RABGAP1L: variants seen among roughly 807,000 people sequenced by gnomAD.
RABGAP1L encodes RAB GTPase activating protein 1 like.
RABGAP1L carries 63 observed loss-of-function variants against 137.7 expected under a neutral mutation model. That is an observed-to-expected ratio of 0.46 (90% CI 0.37 to 0.56). RABGAP1L has a LOEUF of 0.56. Among genes scored for constraint, RABGAP1L ranks in the 20% least tolerant of loss-of-function variants. The pLI is 0.00. For missense variants in RABGAP1L, 1,095 were observed against 1,244.0 expected (o/e 0.88, Z 1.80); for synonymous variants, 431 against 433.7 (o/e 0.99, Z 0.08).
chr1:174,249,760 A>T (rs1050857637), intron 5 of RABGAP1L, among the ~76,000 whole-genome samples: 3 of 151,566 alleles, frequency 2.0e-5, no homozygotes, highest in Non-Finnish European at 4.4e-5. Flanking sequence ...CTCCTGCTTC[A>T]GCCTCCCGAG....
chr1:174,220,921 G>A (rs1438504976), intron 2 of RABGAP1L, 51 bp from the exon 3 acceptor site: 1 of 1,379,226 alleles, frequency 7.3e-7, no homozygotes, highest in Non-Finnish European at 9.6e-7. Flanking sequence ...ATAAAATTTA[G>A]CTTCAGAACT....
At chr1:174,784,908 CCTT>C (rs1199665170) in intron 18 of RABGAP1L, among the ~76,000 whole-genome samples, 1 of 152,052 alleles carries the variant, frequency 6.6e-6, no homozygotes, top group Non-Finnish European at 1.5e-5. Context: ...AGCAACTCCT[CCTT>C]AAATAAAAAG....
chr1:174,433,808 T>C (rs1652920950), intron 13 of RABGAP1L, among the ~76,000 whole-genome samples: 1 of 152,248 alleles, frequency 6.6e-6, no homozygotes, highest in African/African-American at 2.4e-5. Flanking sequence ...ATCATTATAC[T>C]ATATAATTTC....
chr1:174,320,762 ATCT>A (rs1679888331), intron 11 of RABGAP1L, among the ~76,000 whole-genome samples: 1 of 152,282 alleles, frequency 6.6e-6, no homozygotes, highest in South Asian at 2.1e-4. Context: ...TAATCCCATC[ATCT>A]TCGTAAGCTG....
At chr1:174,509,178 T>G (rs1662104866) in intron 13 of RABGAP1L, among the ~76,000 whole-genome samples, 1 of 152,202 alleles carries the variant, frequency 6.6e-6, no homozygotes, top group African/African-American at 2.4e-5. Flanking sequence ...TTTCTTCATT[T>G]AAGTTCAATG....
intron 10 of RABGAP1L, among the ~76,000 whole-genome samples, chr1:174,283,169 G>A (rs895851605): frequency 6.6e-6 from 1 of 151,978 alleles, no homozygotes; most frequent in African/African-American, 2.4e-5. Flanking sequence ...TTGGGAGGTT[G>A]AGGCAGGAGG....
At chr1:174,792,253 A>G (rs1687915195) in intron 18 of RABGAP1L, among the ~76,000 whole-genome samples, 2 of 152,222 alleles carry the variant, frequency 1.3e-5, no homozygotes, top group South Asian at 2.1e-4. Context: ...TTATTCTGTT[A>G]TATCTAGAGT....
In RABGAP1L at chr1:174,448,262, A is replaced by G. The variant is rs775220125; in HGVS notation, c.1710+54117A>G. The G allele has an allele frequency of 6.2e-7, 1 of 1,613,936 alleles. No homozygotes were observed. Among genetic ancestry groups the G allele is most frequent in the Admixed American group, 1.7e-5 (1 of 60,022 alleles). The stretch of plus-strand genomic sequence containing the variant: ...CGAGACAGTGGTTATTGTGTTGCTG[A>G]CATTTCTGATCATTGCTGGGAATCT... On this transcript the variant is annotated intron_variant, in intron 13 of 25. Coordinates refer to ENST00000681986, the MANE Select transcript of RABGAP1L (RefSeq NM_001366446.1). This position sits in a 1 kb window ranked among gnomAD's most constrained non-coding sequence, Gnocchi z 4.2.
chr1:174,690,556 C>A (rs1465416572), intron 15 of RABGAP1L, among the ~76,000 whole-genome samples: 2 of 151,972 alleles, frequency 1.3e-5, no homozygotes, highest in African/African-American at 2.4e-5. Flanking sequence ...TAATTATTTG[C>A]TTTTACATTA....
intron 14 of RABGAP1L, among the ~76,000 whole-genome samples, chr1:174,649,568 C>A (rs989883541): frequency 6.6e-6 from 1 of 152,052 alleles, no homozygotes; most frequent in East Asian, 1.9e-4. Flanking sequence ...CAGAGAGATC[C>A]GCTGTTAGTC....
chr1:174,939,631 GTCTTAT>G (rs1372493587), intron 19 of RABGAP1L, among the ~76,000 whole-genome samples: 2 of 151,922 alleles, frequency 1.3e-5, no homozygotes, highest in African/African-American at 2.4e-5. Flanking sequence ...TTCTCAAATA[GTCTTAT>G]TCTTATGCAT....
intron 11 of RABGAP1L, among the ~76,000 whole-genome samples, chr1:174,355,163 T>C (rs377633714): frequency 6.6e-6 from 1 of 152,098 alleles, no homozygotes; most frequent in Non-Finnish European, 1.5e-5. Flanking sequence ...CACATGCACA[T>C]GTATGTTTAT....
chr1:174,903,253 A>G (rs948590593), intron 19 of RABGAP1L, among the ~76,000 whole-genome samples: 14 of 152,200 alleles, frequency 9.2e-5, no homozygotes, highest in African/African-American at 3.1e-4. Flanking sequence ...TAAAGCTTCA[A>G]TGCCCAGATA....
At chr1:174,387,656 C>T (rs998648573) in intron 12 of RABGAP1L, among the ~76,000 whole-genome samples, 1 of 151,712 alleles carries the variant, frequency 6.6e-6, no homozygotes, top group Non-Finnish European at 1.5e-5. Context: ...ACTCACTGAC[C>T]CTATGTACAG....
intron 1 of RABGAP1L, among the ~76,000 whole-genome samples, chr1:174,172,936 A>T (rs1180190626): frequency 6.6e-6 from 1 of 152,126 alleles, no homozygotes; most frequent in African/African-American, 2.4e-5. Flanking sequence ...AGGCCGAACA[A>T]TATCAGGGAG....
chr1:174,620,794 A>C lies in RABGAP1L; in HGVS notation c.1711-16581A>C, dbSNP rs533823930. ...AAATATAACTAAGATCAGAGCAGAA[A>C]TGAAGGAAATAGAGACACAAAAAAC... is the stretch of plus-strand genomic sequence containing the variant. On this transcript the variant is annotated intron_variant, in intron 13 of 25. Transcript: ENST00000681986. Among the ~76,000 whole-genome samples, 25 of 149,176 alleles carry C rather than the reference A, an allele frequency of 1.7e-4. 1 individual carries two copies. The highest frequency in any genetic ancestry group is 4.2e-4 in the South Asian group (2 of 4,814).
At position 174,916,692 on chromosome 1, in the gene RABGAP1L, A is replaced by G. The variant is rs191912935; in HGVS notation, c.2341-40765A>G. On this transcript the variant is annotated intron_variant, in intron 19 of 25. Coordinates refer to ENST00000681986, the MANE Select transcript of RABGAP1L (RefSeq NM_001366446.1). Reference sequence around the variant, plus strand: ...GAAGTCAGGAAATCAGACTCGCTCTACTATCTCAAAGGAGAGCATATCTCG... The same window carrying G: ...GAAGTCAGGAAATCAGACTCGCTCTGCTATCTCAAAGGAGAGCATATCTCG... Among the ~76,000 whole-genome samples, 6 of 152,340 alleles carry G rather than the reference A, an allele frequency of 3.9e-5. No homozygotes were observed. The East Asian group carries it at 1.2e-3, about 29-fold the overall frequency.
intron 13 of RABGAP1L, among the ~76,000 whole-genome samples, chr1:174,550,997 C>CATATATATATATAT (rs1252681895): frequency 9.8e-5 from 9 of 92,170 alleles, no homozygotes; most frequent in African/African-American, 6.5e-4. Context: ...TATATATATA[C>CATATATATATATAT]ACATATATAT....
chr1:174,401,714 A>G (rs143977113), intron 13 of RABGAP1L, among the ~76,000 whole-genome samples: 50 of 152,330 alleles, frequency 3.3e-4, no homozygotes, highest in African/African-American at 1.1e-3. Flanking sequence ...ACTAATACCT[A>G]TACCCTATCC....
Sources: gnomAD v4.1 joint callset for allele counts (sites outside exome capture counted in the v4.1 genomes callset) on GRCh38, gnomAD v4.1.1 for gene constraint, Gnocchi (gnomAD v3.1) non-coding constraint, MANE v1.5 for transcripts, NCBI Gene and HGNC (gene_info 2026-07-23, HGNC 2026-07-21) for gene names.